The following SV2C variants were observed in gnomAD, a reference collection of about 807,000 sequenced individuals.
SV2C encodes synaptic vesicle glycoprotein 2C, also known as solute carrier family 22 member B3.
SV2C carries 49 observed loss-of-function variants against 79.7 expected under a neutral mutation model. The observed-to-expected ratio is 0.61, with a 90% CI of 0.49 to 0.78. SV2C has a LOEUF of 0.78. Ranked by LOEUF, SV2C falls within the 30% of genes least tolerant of loss-of-function variation. The pLI is 0.00. For synonymous variants in SV2C, 334 were observed against 333.2 expected, an observed-to-expected ratio of 1.00 and a Z score of -0.03; for missense variants, 833 against 912.9, an observed-to-expected ratio of 0.91 and a Z score of 1.13.
the SV2C span, among the ~76,000 whole-genome samples, chr5:75,938,999 G>C: frequency 6.6e-6 from 1 of 152,030 alleles, no homozygotes; most frequent in Non-Finnish European, 1.5e-5. Context: ...GGAATGTCTT[G>C]TACAAGTTAA....
the SV2C span, among the ~76,000 whole-genome samples, chr5:76,059,341 C>T: frequency 2.8e-3 from 430 of 152,182 alleles, 3 homozygotes; most frequent in African/African-American, 9.8e-3. Flanking sequence ...GCATTTTACC[C>T]ACAGTAGAAC....
At chr5:76,297,418 G>C (rs997125012) in intron 9 of SV2C, among the ~76,000 whole-genome samples, 1 of 152,064 alleles carries the variant, frequency 6.6e-6, no homozygotes, top group African/African-American at 2.4e-5. Context: ...TGTGGCCTGG[G>C]GATGGATGGG....
the SV2C span, among the ~76,000 whole-genome samples, chr5:75,961,501 AAAAAT>A: frequency 6.6e-6 from 1 of 152,010 alleles, no homozygotes; most frequent in African/African-American, 2.4e-5. Flanking sequence ...TCAGAAAAAT[AAAAAT>A]AAAATCATAA....
At chr5:76,016,440 C>T in the SV2C span, among the ~76,000 whole-genome samples, 2 of 151,970 alleles carry the variant, frequency 1.3e-5, no homozygotes, top group African/African-American at 4.8e-5. Flanking sequence ...GGGAATTGCT[C>T]CCCAAAGGGT....
rs567834704 is a variant in SV2C at position 76,272,411 on chromosome 5, G to A, written c.914-12751G>A. On this transcript the variant is annotated intron_variant, in intron 4 of 12. Transcript: ENST00000502798. ...TGTGCAAACAGCAAAAAGAAAATTT[G>A]ATCTGGAAGAGAATGAGAACCATGC... Among the ~76,000 whole-genome samples the A allele has an allele frequency of 1.6e-4, 24 of 152,290 alleles. No homozygotes were observed. In the South Asian group the frequency reaches 4.6e-3, roughly 29 times the overall value.
At chr5:75,859,860 A>G in the SV2C span, among the ~76,000 whole-genome samples, 15 of 151,314 alleles carry the variant, frequency 9.9e-5, no homozygotes, top group Admixed American at 4.6e-4. Context: ...TTATTGAATG[A>G]CTTACTAGCT....
At chr5:75,903,837 T>C in the SV2C span, among the ~76,000 whole-genome samples, 1 of 152,242 alleles carries the variant, frequency 6.6e-6, no homozygotes, top group Admixed American at 6.5e-5. Flanking sequence ...ATCACCCAAA[T>C]TATTGACAAT....
At chr5:76,016,254 T>TAAAAAA in the SV2C span, among the ~76,000 whole-genome samples, 83 of 90,370 alleles carry the variant, frequency 9.2e-4, 3 homozygotes, top group African/African-American at 3.6e-3. Context: ...TTTAATTTTC[T>TAAAAAA]AAAAAAAAAA....
chr5:76,252,126 G>A (rs1020316309), intron 4 of SV2C, among the ~76,000 whole-genome samples: 1 of 151,912 alleles, frequency 6.6e-6, no homozygotes, highest in Non-Finnish European at 1.5e-5. Context: ...TGCTTTTTTT[G>A]TTGTTGTTTT....
At chr5:75,988,542 T>C in the SV2C span, among the ~76,000 whole-genome samples, 1 of 151,986 alleles carries the variant, frequency 6.6e-6, no homozygotes, top group Non-Finnish European at 1.5e-5. Flanking sequence ...GTAACAGTCA[T>C]GCCTGTCATC....
downstream of SV2C, among the ~76,000 whole-genome samples, chr5:76,334,592 A>G (rs967701335): frequency 2.0e-5 from 3 of 152,068 alleles, no homozygotes; most frequent in Non-Finnish European, 2.9e-5. Context: ...TTGTCCCCCT[A>G]TGGGCATGAG....
At chr5:76,053,455 C>T in the SV2C span, among the ~76,000 whole-genome samples, 5 of 152,090 alleles carry the variant, frequency 3.3e-5, no homozygotes, top group African/African-American at 1.2e-4. Context: ...TGGGAGAAAG[C>T]GAATTGATTA....
intron 1 of SV2C, among the ~76,000 whole-genome samples, chr5:76,098,939 C>G (rs2112113681): frequency 6.6e-6 from 1 of 152,292 alleles, no homozygotes; most frequent in African/African-American, 2.4e-5. Flanking sequence ...AAATTGCCCA[C>G]TGATGGGGAG....
At chr5:76,108,066 A>G (rs1054301851) in intron 1 of SV2C, among the ~76,000 whole-genome samples, 14 of 152,150 alleles carry the variant, frequency 9.2e-5, no homozygotes, top group African/African-American at 3.4e-4. Context: ...TGTTGCATAT[A>G]TTTGTTTTTC....
chr5:76,312,171 G>T (rs1404331114), intron 12 of SV2C, among the ~76,000 whole-genome samples: 1 of 150,790 alleles, frequency 6.6e-6, no homozygotes, highest in Non-Finnish European at 1.5e-5. Context: ...CTGCGTCCAG[G>T]TGTTAACTTT....
chr5:76,109,328 G>C (rs1203934050), intron 1 of SV2C, among the ~76,000 whole-genome samples: 3 of 152,164 alleles, frequency 2.0e-5, no homozygotes, highest in Admixed American at 6.5e-5. Flanking sequence ...CCAATGAACA[G>C]TATCTAGCTG....
chr5:75,943,973 A>C, the SV2C span, among the ~76,000 whole-genome samples: 1 of 152,338 alleles, frequency 6.6e-6, no homozygotes, highest in East Asian at 1.9e-4. Flanking sequence ...AAAGGTATAA[A>C]GCATGAATTA....
intron 2 of SV2C, among the ~76,000 whole-genome samples, chr5:76,145,806 A>C (rs1749401822): frequency 6.6e-6 from 1 of 152,208 alleles, no homozygotes; most frequent in South Asian, 2.1e-4. Flanking sequence ...GCCATTGTCA[A>C]GATAGGTGGG....
the SV2C span, among the ~76,000 whole-genome samples, chr5:76,024,684 C>T: frequency 0.016 from 2,443 of 152,124 alleles, 70 homozygotes; most frequent in African/African-American, 0.055. Flanking sequence ...ATATATTGTG[C>T]CCCAGTGTGT....
Sources: allele counts gnomAD v4.1 joint callset (sites outside exome capture counted in the v4.1 genomes callset), GRCh38; gene constraint gnomAD v4.1.1; transcripts MANE v1.5; gene names NCBI Gene and HGNC (gene_info 2026-07-23, HGNC 2026-07-21).